SFMBT2: variants seen among roughly 807,000 people sequenced by gnomAD.
SFMBT2 encodes scm-like with four MBT domains protein 2.
A neutral mutation model predicts 110.1 loss-of-function variants in SFMBT2; 38 were observed. The ratio of observed to expected loss-of-function variants is 0.35; its 90% CI spans 0.27 to 0.45. SFMBT2 has a LOEUF of 0.45. Among genes scored for constraint, SFMBT2 ranks in the 20% least tolerant of loss-of-function variants. The probability of loss-of-function intolerance (pLI) is 1.00; values close to 1 mark genes in which losing one functional copy is unlikely to be tolerated. For missense variants in SFMBT2, 1,011 were observed against 1,094.9 expected (o/e 0.92, Z 1.08); for synonymous variants, 425 against 425.4 (o/e 1.00, Z 0.01).
intron 7 of SFMBT2, among the ~76,000 whole-genome samples, chr10:7,263,228 A>ATTTCT (rs139395535): frequency 1.6e-3 from 240 of 151,032 alleles, no homozygotes; most frequent in African/African-American, 3.2e-3. Flanking sequence ...AACAGCCTCT[A>ATTTCT]TTTCTTTTCT....
chr10:7,322,870 G>C (rs913513406), intron 4 of SFMBT2, among the ~76,000 whole-genome samples: 39 of 152,166 alleles, frequency 2.6e-4, no homozygotes, highest in African/African-American at 9.4e-4. Flanking sequence ...GCATGCTGCT[G>C]GCTAGATGAT....
intron 4 of SFMBT2, among the ~76,000 whole-genome samples, chr10:7,365,772 T>C (rs569043588): frequency 6.6e-6 from 1 of 152,192 alleles, no homozygotes; most frequent in African/African-American, 2.4e-5. Context: ...ATGCCCAGAA[T>C]AGGAAAATCT....
intron 4 of SFMBT2, among the ~76,000 whole-genome samples, chr10:7,295,724 C>T (rs1842390560): frequency 6.6e-6 from 1 of 152,104 alleles, no homozygotes; most frequent in Non-Finnish European, 1.5e-5. Flanking sequence ...CCTAGAAAGC[C>T]AGGTATCAGT....
chr10:7,240,538 C>A (rs776682582), intron 9 of SFMBT2, among the ~76,000 whole-genome samples: 1 of 152,198 alleles, frequency 6.6e-6, no homozygotes, highest in African/African-American at 2.4e-5. Flanking sequence ...AGTGGAATTA[C>A]TGAGTCAGTG....
intron 4 of SFMBT2, among the ~76,000 whole-genome samples, chr10:7,323,180 G>A (rs949659699): frequency 1.3e-4 from 20 of 152,146 alleles, no homozygotes; most frequent in African/African-American, 1.9e-4. Context: ...GGAGCTGGGC[G>A]CGGTGGTTCA....
intron 11 of SFMBT2, chr10:7,206,645 G>A (rs937063200): frequency 1.1e-5 from 10 of 907,086 alleles, no homozygotes; most frequent in South Asian, 5.1e-5. Flanking sequence ...ATCCTATTTC[G>A]TAATTACAGT....
rs1291572883 is a variant in SFMBT2 at position 7,197,623 on chromosome 10, A to C, written c.1623T>G (p.Pro541=). 6.2e-7 allele frequency: 1 copy of C among 1,614,168 alleles called. No homozygotes were observed. Among genetic ancestry groups the C allele is most frequent in the East Asian group, 2.2e-5 (1 of 44,872 alleles). ...CTGCAATCCTTCCTTTGTTCAGGTA[A>C]GGGCCTGAGAAACACCTGTGGTTGA... The part of the protein sequence containing the change: ...LFINHRCFSG[P]YLNKGRIAEL... Residue 541 remains proline, a synonymous_variant, in exon 15 of 21, where the codon CCT becomes CCG. Transcript: ENST00000397167.
At chr10:7,375,541 C>T (rs1285750828) in intron 2 of SFMBT2, among the ~76,000 whole-genome samples, 2 of 151,968 alleles carry the variant, frequency 1.3e-5, no homozygotes, top group Non-Finnish European at 2.9e-5. Flanking sequence ...TTAATACTAT[C>T]CTAAGATTTA....
At chr10:7,204,978 T>C (rs999614061) in intron 12 of SFMBT2, 1 of 973,756 alleles carries the variant, frequency 1.0e-6, no homozygotes, top group African/African-American at 1.8e-5. Flanking sequence ...TTAATATTGG[T>C]TATTTGGTAT....
intron 4 of SFMBT2, among the ~76,000 whole-genome samples, chr10:7,350,701 T>A (rs1373510464): frequency 1.3e-5 from 2 of 152,246 alleles, no homozygotes; most frequent in African/African-American, 4.8e-5. Context: ...AGAAGAGTTC[T>A]ACCATAGCCA....
rs761329633 is a variant in SFMBT2 at position 7,176,065 on chromosome 10, G to A, written c.1909C>T (p.Pro637Ser). The change falls in exon 17 of 21, where the codon CCA becomes TCA. Residue 637 changes from proline to serine, a missense_variant. Around this residue, in one of 2 missense-constraint regions of SFMBT2, gnomAD observed 979 missense variants for 1,016.1 expected, o/e 0.96. Transcript: ENST00000397167. ...RRVCAKLECC[P>S]NLFSPVLISE... ...ATCAGCACAGGACTAAACAAATTTGGACAGCACTCTAGCTTGGCACAGACT... is the reference window on the plus strand; with the variant it reads ...ATCAGCACAGGACTAAACAAATTTGAACAGCACTCTAGCTTGGCACAGACT... 3.7e-6 allele frequency: 6 copies of A among 1,614,156 alleles called. No individual in the cohort carries two copies. Among genetic ancestry groups the A allele is most frequent in the Middle Eastern group, 1.6e-4 (1 of 6,062 alleles).
At chr10:7,329,007 C>T (rs748619271) in intron 4 of SFMBT2, among the ~76,000 whole-genome samples, 2 of 152,204 alleles carry the variant, frequency 1.3e-5, no homozygotes, top group East Asian at 1.9e-4. Flanking sequence ...CCCTAAATTC[C>T]CTGCCGGCTC....
chr10:7,310,830 G>A (rs1226498487), intron 4 of SFMBT2, among the ~76,000 whole-genome samples: 1 of 152,154 alleles, frequency 6.6e-6, no homozygotes, highest in East Asian at 1.9e-4. Flanking sequence ...CGGATCGCCT[G>A]AGGTCAGGAG....
chr10:7,212,629 G>A (rs926784494), intron 11 of SFMBT2, among the ~76,000 whole-genome samples: 16 of 152,136 alleles, frequency 1.1e-4, no homozygotes, highest in African/African-American at 3.4e-4. Context: ...ACACTCTATC[G>A]ATGTTCATCC....
chr10:7,206,798 C>A (rs185716515), intron 11 of SFMBT2: 4 of 917,490 alleles, frequency 4.4e-6, no homozygotes, highest in Non-Finnish European at 5.2e-6. Context: ...AAATTCGACA[C>A]CAAATCAATA....
At chr10:7,240,796 T>C (rs946476950) in intron 9 of SFMBT2, among the ~76,000 whole-genome samples, 3 of 152,218 alleles carry the variant, frequency 2.0e-5, no homozygotes, top group Non-Finnish European at 4.4e-5. Flanking sequence ...CTTCTTGTAT[T>C]GTGTGCTCTT....
intron 4 of SFMBT2, among the ~76,000 whole-genome samples, chr10:7,344,754 C>T (rs945508017): frequency 6.6e-6 from 1 of 151,862 alleles, no homozygotes; most frequent in Non-Finnish European, 1.5e-5. Context: ...ATCATGAGGT[C>T]AGGAGATCGA....
chr10:7,405,087 CAAAG>C (rs1490399775), intron 1 of SFMBT2, among the ~76,000 whole-genome samples: 3 of 152,138 alleles, frequency 2.0e-5, no homozygotes, highest in African/African-American at 7.2e-5. Flanking sequence ...TTTAGTCTAA[CAAAG>C]AGAGGAAGAC....
intron 4 of SFMBT2, among the ~76,000 whole-genome samples, chr10:7,336,939 G>A (rs1843732934): frequency 6.6e-6 from 1 of 152,188 alleles, no homozygotes; most frequent in Non-Finnish European, 1.5e-5. Flanking sequence ...AGAGAACCAA[G>A]CCAGGCAACG....
Sources: allele counts gnomAD v4.1 joint callset (sites outside exome capture counted in the v4.1 genomes callset), GRCh38; gene constraint gnomAD v4.1.1; regional missense constraint gnomAD v4.1.1; transcripts MANE v1.5; gene names NCBI Gene and HGNC (gene_info 2026-07-23, HGNC 2026-07-21).